The following TBX20 variants were observed in gnomAD, a reference collection of about 807,000 sequenced individuals.
TBX20 encodes T-box transcription factor TBX20.
In TBX20, 8 loss-of-function variants were observed where a neutral mutation model predicts 42.9. That is an observed-to-expected ratio of 0.19 (90% CI 0.11 to 0.34). The LOEUF is 0.34. TBX20 is among the 10% of genes least tolerant of loss of function. TBX20 has a pLI of 1.00. For missense variants in TBX20, 411 were observed against 566.0 expected (o/e 0.73, Z 2.78); for synonymous variants, 198 against 222.8 (o/e 0.89, Z 0.99).
chr7:35,225,487 T>C (rs1789754349), intron 6 of TBX20, among the ~76,000 whole-genome samples: 1 of 152,216 alleles, frequency 6.6e-6, no homozygotes, highest in South Asian at 2.1e-4. Flanking sequence ...TTATTTCACA[T>C]CTTCACTAAC....
intron 7 of TBX20, 64 bp downstream of exon 7, chr7:35,204,406 T>C: frequency 9.2e-7 from 1 of 1,088,208 alleles, no homozygotes; most frequent in South Asian, 1.3e-5. Flanking sequence ...ATCAACGACC[T>C]GCCCCCATTC....
intron 4 of TBX20, among the ~76,000 whole-genome samples, chr7:35,243,007 T>C (rs1790112882): frequency 6.6e-6 from 1 of 152,172 alleles, no homozygotes; most frequent in South Asian, 2.1e-4. Context: ...AGACAGGGTC[T>C]TGCTCTGTCA....
At chr7:35,232,915 A>G (rs1392647565) in intron 5 of TBX20, among the ~76,000 whole-genome samples, 2 of 152,150 alleles carry the variant, frequency 1.3e-5, no homozygotes, top group Non-Finnish European at 2.9e-5. Flanking sequence ...CCACCTACTC[A>G]GGAGGCTGAC....
At chr7:35,223,906 G>A (rs1675774837) in intron 6 of TBX20, among the ~76,000 whole-genome samples, 1 of 152,220 alleles carries the variant, frequency 6.6e-6, no homozygotes, top group South Asian at 2.1e-4. Context: ...GAAAATGACA[G>A]GATATTGATG....
At chr7:35,202,911 T>C in intron 7 of TBX20, 141 bp from the exon 8 acceptor site, 1 of 1,466,704 alleles carries the variant, frequency 6.8e-7, no homozygotes, top group Non-Finnish European at 9.2e-7. Flanking sequence ...ATGAGATCTG[T>C]CACGAGGCAA....
At chr7:35,240,276 G>T (rs758819261) in intron 5 of TBX20, among the ~76,000 whole-genome samples, 27 of 152,070 alleles carry the variant, frequency 1.8e-4, no homozygotes, top group Admixed American at 2.6e-4. Flanking sequence ...GTTCAAAAAC[G>T]TTTCAGATTT....
chr7:35,224,757 A>T (rs1211893242), intron 6 of TBX20, among the ~76,000 whole-genome samples: 7 of 152,356 alleles, frequency 4.6e-5, no homozygotes, highest in Non-Finnish European at 8.8e-5. Flanking sequence ...TAAAATTTTT[A>T]AAAAAGGAAA....
intron 4 of TBX20, among the ~76,000 whole-genome samples, chr7:35,243,550 G>T (rs1790122519): frequency 1.3e-5 from 2 of 151,814 alleles, no homozygotes; most frequent in African/African-American, 4.8e-5. Flanking sequence ...AATCATAAAA[G>T]AATTCCATCT....
At chr7:35,205,053 T>C (rs1477369644) in intron 6 of TBX20, among the ~76,000 whole-genome samples, 1 of 152,188 alleles carries the variant, frequency 6.6e-6, no homozygotes, top group Non-Finnish European at 1.5e-5. Flanking sequence ...GTTCAAATTA[T>C]CATTAGTCAG....
chr7:35,253,832 A>C lies in TBX20; in HGVS notation c.-212T>G. 1.6e-6 allele frequency: 1 copy of C among 616,024 alleles called. No individual in the cohort carries two copies. The highest frequency in any genetic ancestry group is 2.7e-6 in the Non-Finnish European group (1 of 364,654). The allele number at this position is 616,024 out of a possible 1,614,324, so 38.2% of individuals were successfully genotyped here. A position where few individuals can be genotyped will look rare whatever the true frequency, so the allele number is the denominator to read the frequency against. On this transcript the variant is annotated 5_prime_UTR_variant, in exon 1 of 8. Transcript: ENST00000408931. The stretch of plus-strand genomic sequence containing the variant: ...AAGCCCCAGAGCCGCAGAGACTTCG[A>C]AGGCAGCCGGAGAGGAGAGGGCCCA...
intron 6 of TBX20, among the ~76,000 whole-genome samples, chr7:35,226,784 A>C (rs1188518340): frequency 6.6e-6 from 1 of 152,180 alleles, no homozygotes; most frequent in Non-Finnish European, 1.5e-5. Flanking sequence ...AATGATAATA[A>C]ACAATGATGT....
chr7:35,245,250 C>T (rs1020330087), intron 3 of TBX20, among the ~76,000 whole-genome samples, 193 bp from the exon 4 acceptor site: 5 of 151,500 alleles, frequency 3.3e-5, no homozygotes, highest in African/African-American at 1.2e-4. Context: ...TCTTCATGTA[C>T]CAATTATCTA....
chr7:35,212,828 G>A (rs1346628116), intron 6 of TBX20, among the ~76,000 whole-genome samples: 16 of 152,254 alleles, frequency 1.1e-4, no homozygotes, highest in Middle Eastern at 3.4e-3. Context: ...TAGTTTCATC[G>A]TATGGATTCC....
intron 6 of TBX20, among the ~76,000 whole-genome samples, chr7:35,227,295 A>G (rs762462492): frequency 6.6e-5 from 10 of 152,170 alleles, no homozygotes; most frequent in Non-Finnish European, 1.3e-4. Flanking sequence ...TCATAAATTT[A>G]GTGTAGCCTA....
intron 7 of TBX20, among the ~76,000 whole-genome samples, chr7:35,204,195 C>T (rs888071378): frequency 6.6e-6 from 1 of 152,078 alleles, no homozygotes. Flanking sequence ...GGACAAGTAA[C>T]TCCTGATCCC....
intron 6 of TBX20, among the ~76,000 whole-genome samples, chr7:35,219,548 T>G (rs1266673490): frequency 1.3e-5 from 2 of 152,222 alleles, no homozygotes; most frequent in Non-Finnish European, 2.9e-5. Context: ...AACCCCTGCT[T>G]TAGGCTATTT....
intron 5 of TBX20, among the ~76,000 whole-genome samples, chr7:35,238,686 G>A (rs573481664): frequency 9.9e-4 from 150 of 152,264 alleles, no homozygotes; most frequent in Non-Finnish European, 1.8e-3. Context: ...TTCCAGATTC[G>A]CAGAGAAACA....
chr7:35,250,168 G>C lies in TBX20; in HGVS notation c.163C>G (p.Leu55Val). Reference protein sequence around the residue: ...FVEKSSCAQPLGELTSLDAHG... With the variant: ...FVEKSSCAQPVGELTSLDAHG... Reference sequence around the variant, plus strand: ...GCATCCAGGCTGGTCAGCTCACCCAGGGGCTGGGCACAGGACGACTTCTCC... The same window carrying C: ...GCATCCAGGCTGGTCAGCTCACCCACGGGCTGGGCACAGGACGACTTCTCC... Residue 55 changes from leucine (L) to valine (V), a missense_variant, in exon 2 of 8, where the codon CTG becomes GTG. This residue lies in a region of TBX20 where 114 missense variants were observed against 128.0 expected (regional missense o/e 0.89). Transcript: ENST00000408931. The C allele has an allele frequency of 6.2e-7, 1 of 1,614,110 alleles. No individual in the cohort carries two copies. The highest frequency in any genetic ancestry group is 8.5e-7 in the Non-Finnish European group (1 of 1,180,016).
intron 1 of TBX20, 132 bp from the exon 2 acceptor site, chr7:35,250,335 G>A (rs1452795918): frequency 4.2e-5 from 46 of 1,090,496 alleles, no homozygotes; most frequent in Non-Finnish European, 2.7e-6. Flanking sequence ...CAGGCAGGCT[G>A]TAGGGATGAC....
Sources: allele counts gnomAD v4.1 joint callset (sites outside exome capture counted in the v4.1 genomes callset), GRCh38; gene constraint gnomAD v4.1.1; regional missense constraint gnomAD v4.1.1; transcripts MANE v1.5; gene names NCBI Gene and HGNC (gene_info 2026-07-23, HGNC 2026-07-21).